Variants in ONECUT1 observed in about 807,000 individuals in gnomAD.
ONECUT1 encodes the protein one cut homeobox 1.
ONECUT1 carries 12 observed loss-of-function variants against 25.6 expected under a neutral mutation model. That is an observed-to-expected ratio of 0.47 (90% CI 0.30 to 0.76). ONECUT1 has a LOEUF of 0.76. Ranked by LOEUF, ONECUT1 falls within the 30% of genes least tolerant of loss-of-function variation. The pLI, the probability that ONECUT1 is intolerant of heterozygous loss-of-function variation, is 0.07. For missense variants in ONECUT1, 620 were observed against 651.2 expected (o/e 0.95, Z 0.52); for synonymous variants, 285 against 270.2 (o/e 1.05, Z -0.54).
intron 1 of ONECUT1, among the ~76,000 whole-genome samples, chr15:52,769,956 G>C (rs990709572): frequency 6.6e-6 from 1 of 152,230 alleles, no homozygotes; most frequent in African/African-American, 2.4e-5. Context: ...CAGCAGAAGA[G>C]TCTTGAAGAA....
intron 1 of ONECUT1, among the ~76,000 whole-genome samples, chr15:52,767,113 G>A (rs72625704): frequency 0.031 from 4,675 of 152,166 alleles, 96 homozygotes; most frequent in East Asian, 0.098. Flanking sequence ...CCTGAATCTC[G>A]GTGAGGTTAA....
intron 1 of ONECUT1, chr15:52,780,785 T>C: frequency 7.1e-7 from 1 of 1,399,448 alleles, no homozygotes; most frequent in Non-Finnish European, 9.3e-7. Context: ...AAGCACATAG[T>C]TTATTGCGTT....
intron 1 of ONECUT1, among the ~76,000 whole-genome samples, chr15:52,782,803 G>T (rs2083849834): frequency 6.6e-6 from 1 of 152,128 alleles, no homozygotes; most frequent in Non-Finnish European, 1.5e-5. Flanking sequence ...CTCCTAGATT[G>T]ATTTAAAATA....
At position 52,755,805 on chromosome 15, in the gene ONECUT1, A is replaced by T. The variant is rs1031756725; in HGVS notation, c.*1750T>A. On this transcript the variant is annotated 3_prime_UTR_variant, in exon 2 of 2. Coordinates refer to ENST00000305901, the MANE Select transcript of ONECUT1 (RefSeq NM_004498.4). Reference sequence around the variant, plus strand: ...GGCATAAGGGGCATCCACTTAGATAAGTTACAGTCCAACTGAATTCAGAGA... The same window carrying T: ...GGCATAAGGGGCATCCACTTAGATATGTTACAGTCCAACTGAATTCAGAGA... 1.3e-5 allele frequency among the ~76,000 whole-genome samples: 2 copies of T among 152,218 alleles called. No individual in the cohort carries two copies. Among genetic ancestry groups the T allele is most frequent in the Admixed American group, 1.3e-4 (2 of 15,288 alleles).
chr15:52,762,272 A>G (rs553289130), intron 1 of ONECUT1, among the ~76,000 whole-genome samples: 46 of 152,366 alleles, frequency 3.0e-4, no homozygotes, highest in Admixed American at 2.6e-3. Flanking sequence ...AAATGGCATC[A>G]GAAGAATGAT....
Position 52,781,739 on chromosome 15 carries a change from C to T in ONECUT1, c.1105+7041G>A, listed in dbSNP as rs1033454383. 2.6e-5 allele frequency among the ~76,000 whole-genome samples: 4 copies of T among 152,338 alleles called. No individual in the cohort carries two copies. In the South Asian group the frequency reaches 6.2e-4, roughly 24 times the overall value. On this transcript the variant is annotated intron_variant, in intron 1 of 1. Transcript: ENST00000305901. ...TTATAAAAATCCAATGCCCATGTCACGTCCTGTACCAATTACATCAAAATA... is the reference window on the plus strand; with the variant it reads ...TTATAAAAATCCAATGCCCATGTCATGTCCTGTACCAATTACATCAAAATA...
chr15:52,787,421 T>A (rs867523496), intron 1 of ONECUT1, among the ~76,000 whole-genome samples: 3 of 151,640 alleles, frequency 2.0e-5, no homozygotes, highest in Middle Eastern at 3.2e-3. Flanking sequence ...CAGGCACGAG[T>A]TGGAGGAGGG....
chr15:52,780,685 A>C (rs543492576), intron 1 of ONECUT1: 19 of 1,530,720 alleles, frequency 1.2e-5, no homozygotes, highest in Non-Finnish European at 1.6e-5. Flanking sequence ...TGCAGCGAGC[A>C]CAGAGGTCAC....
chr15:52,789,286 T>C lies in ONECUT1; in HGVS notation c.599A>G (p.Tyr200Cys). The change falls in exon 1 of 2, where the codon TAT becomes TGT. Residue 200 changes from tyrosine (Y) to cysteine (C), a missense_variant. Around this residue, in one of 4 missense-constraint regions of ONECUT1, gnomAD observed 440 missense variants for 404.9 expected, o/e 1.09. Transcript: ENST00000305901. This position sits in a 1 kb window ranked among gnomAD's most constrained non-coding sequence, Gnocchi z 4.1. ...IHNSQQGLPHYAHPGAAMPTD... is the reference protein window; with the variant it reads ...IHNSQQGLPHCAHPGAAMPTD... The stretch of plus-strand genomic sequence containing the variant: ...GGGCATGGCGGCCCCCGGGTGGGCA[T>C]AGTGGGGGAGCCCTTGCTGGGAGTT... 4 of 1,553,378 alleles carry C rather than the reference T, an allele frequency of 2.6e-6. No individual in the cohort carries two copies. The highest frequency in any genetic ancestry group is 3.5e-6 in the Non-Finnish European group (4 of 1,148,652).
In ONECUT1 at chr15:52,757,546, G is replaced by C; in HGVS notation, c.*9C>G. On this transcript the variant is annotated 3_prime_UTR_variant, in exon 2 of 2. Coordinates refer to ENST00000305901, the MANE Select transcript of ONECUT1 (RefSeq NM_004498.4). ...TTTTCCACCGAGGTTTTAGTTTGTGGTTCTTCCTTCATGCTTTGGTACAAG... is the reference window on the plus strand; with the variant it reads ...TTTTCCACCGAGGTTTTAGTTTGTGCTTCTTCCTTCATGCTTTGGTACAAG... 1 of 1,595,600 alleles carries C rather than the reference G, an allele frequency of 6.3e-7. No homozygotes were observed. The highest frequency in any genetic ancestry group is 8.5e-7 in the Non-Finnish European group (1 of 1,171,220).
chr15:52,777,756 A>C, intron 1 of ONECUT1, among the ~76,000 whole-genome samples: 1 of 148,060 alleles, frequency 6.8e-6, no homozygotes, highest in African/African-American at 2.5e-5. Context: ...ATGTAAAGTT[A>C]TTTGTTCTCT....
intron 1 of ONECUT1, among the ~76,000 whole-genome samples, chr15:52,779,075 CT>C (rs2083822732): frequency 6.7e-6 from 1 of 148,882 alleles, no homozygotes; most frequent in Non-Finnish European, 1.5e-5. Context: ...AAATAACTGA[CT>C]AGTTTATTTA....
chr15:52,761,877 T>C (rs1250141012), intron 1 of ONECUT1, among the ~76,000 whole-genome samples: 1 of 152,168 alleles, frequency 6.6e-6, no homozygotes, highest in East Asian at 1.9e-4. Context: ...TTTATGAGGA[T>C]AGTAACCACT....
chr15:52,762,731 A>G (rs2083712914), intron 1 of ONECUT1, among the ~76,000 whole-genome samples: 1 of 152,214 alleles, frequency 6.6e-6, no homozygotes, highest in African/African-American at 2.4e-5. Flanking sequence ...GGAGGTGCTG[A>G]AAAAGAAAGC....
chr15:52,769,014 TC>T (rs2083750704), intron 1 of ONECUT1, among the ~76,000 whole-genome samples: 1 of 152,224 alleles, frequency 6.6e-6, no homozygotes, highest in Non-Finnish European at 1.5e-5. Context: ...TGCTCAGAAG[TC>T]ATTCCTAGAT....
chr15:52,764,727 G>C (rs1318318721), intron 1 of ONECUT1, among the ~76,000 whole-genome samples: 1 of 152,226 alleles, frequency 6.6e-6, no homozygotes, highest in African/African-American at 2.4e-5. Context: ...TCTAAGGACA[G>C]CTTGGCATTG....
intron 1 of ONECUT1, among the ~76,000 whole-genome samples, chr15:52,766,463 C>G (rs916885097): frequency 1.3e-5 from 2 of 152,156 alleles, no homozygotes; most frequent in African/African-American, 4.8e-5. Flanking sequence ...AACAGAACAG[C>G]AGCAGTTGGT....
At chr15:52,781,319 T>G (rs1177537916) in intron 1 of ONECUT1, 2 of 152,198 alleles carry the variant, frequency 1.3e-5, no homozygotes, top group Admixed American at 6.5e-5. Flanking sequence ...TCTGGCTGCT[T>G]CTTCAAAAAA....
Position 52,755,218 on chromosome 15 carries a change from T to A in ONECUT1, c.*2337A>T, listed in dbSNP as rs2141441351. Among the ~76,000 whole-genome samples, 1 of 152,270 alleles carries A rather than the reference T, an allele frequency of 6.6e-6. No individual in the cohort carries two copies. The highest frequency in any genetic ancestry group is 1.9e-4 in the East Asian group (1 of 5,186). On this transcript the variant is annotated 3_prime_UTR_variant, in exon 2 of 2. Transcript: ENST00000305901. The stretch of plus-strand genomic sequence containing the variant: ...AAATAAATAAGGCTTTCCTCCCTCC[T>A]AAATTATAAATACATTATGTAGCTG...
Sources: allele counts gnomAD v4.1 joint callset (sites outside exome capture counted in the v4.1 genomes callset), GRCh38; gene constraint gnomAD v4.1.1; regional missense constraint gnomAD v4.1.1; non-coding constraint Gnocchi (gnomAD v3.1); transcripts MANE v1.5; gene names NCBI Gene and HGNC (gene_info 2026-07-23, HGNC 2026-07-21).